The following TSNARE1 variants were observed in gnomAD, a reference collection of about 807,000 sequenced individuals.
TSNARE1 encodes the protein t-SNARE domain-containing protein 1.
Under a neutral mutation model 62.0 loss-of-function variants are expected in TSNARE1, and 49 were observed. The ratio of observed to expected loss-of-function variants is 0.79; its 90% CI spans 0.63 to 1.00. The LOEUF (loss-of-function observed/expected upper bound fraction) is 1.00, where lower values mean the gene tolerates loss of function less well. TSNARE1 is among the 50% of genes least tolerant of loss of function. TSNARE1 has a pLI of 0.00. For synonymous variants in TSNARE1, 328 were observed against 294.4 expected (o/e 1.11, Z -1.17); for missense variants, 755 against 700.1 (o/e 1.08, Z -0.88).
At chr8:142,300,763 G>A in intron 9 of TSNARE1, 119 bp from the exon 10 acceptor site, 1 of 1,212,112 alleles carries the variant, frequency 8.3e-7, no homozygotes, top group Non-Finnish European at 1.1e-6. Context: ...CTCTCTGAGG[G>A]GACGATCTGG....
intron 1 of TSNARE1, among the ~76,000 whole-genome samples, chr8:142,355,621 G>A (rs1586993013): frequency 6.6e-6 from 1 of 152,290 alleles, no homozygotes; most frequent in East Asian, 1.9e-4. Flanking sequence ...CTGTGTGCAG[G>A]GGTCCCTGTG....
chr8:142,329,900 G>A (rs761491047), intron 6 of TSNARE1, among the ~76,000 whole-genome samples: 1 of 152,384 alleles, frequency 6.6e-6, no homozygotes, highest in South Asian at 2.1e-4. Flanking sequence ...TCCGCAGCTG[G>A]TGCGTGAGGC....
rs764368300 is a variant in TSNARE1, at chr8:142,229,586, G to A, written c.1447-7C>T. On this transcript the variant is annotated splice_region_variant and splice_polypyrimidine_tract_variant and intron_variant, in intron 12 of 13. Transcript: ENST00000524325. ...TGATCTTGTGTCTCTGGAGCTGGGA[G>A]AGAGAGAGAGGTTGTTTCCATATCC... The A allele has an allele frequency of 1.2e-6, 2 of 1,612,212 alleles. No homozygotes were observed. Among genetic ancestry groups the A allele is most frequent in the Non-Finnish European group, 1.7e-6 (2 of 1,179,014 alleles).
intron 12 of TSNARE1, among the ~76,000 whole-genome samples, chr8:142,267,272 A>T (rs910198994): frequency 3.9e-5 from 6 of 152,172 alleles, no homozygotes; most frequent in Non-Finnish European, 8.8e-5. Context: ...AGGCCTGACT[A>T]GGGGATCTTT....
At chr8:142,317,632 T>G (rs1448072546) in intron 7 of TSNARE1, among the ~76,000 whole-genome samples, 1 of 152,112 alleles carries the variant, frequency 6.6e-6, no homozygotes, top group African/African-American at 2.4e-5. Flanking sequence ...ACTGACCTGG[T>G]GTGGTGGAGC....
Position 142,270,505 on chromosome 8 carries a change from T to C in TSNARE1, c.1446+4276A>G, listed in dbSNP as rs191705512. 6.8e-5 allele frequency: 62 copies of C among 913,350 alleles called. No homozygotes were observed. The Middle Eastern group carries it at 1.7e-3, about 25-fold the overall frequency. 56.6% of individuals were successfully genotyped at this position (913,350 alleles called of 1,614,324 possible). A position where few individuals can be genotyped will look rare whatever the true frequency, so the allele number is the denominator to read the frequency against. Reference sequence around the variant, plus strand: ...GCATATATATATATATATATATATTTATGTATTTATAACAGAAAATTGGAT... The same window carrying C: ...GCATATATATATATATATATATATTCATGTATTTATAACAGAAAATTGGAT... On this transcript the variant is annotated intron_variant, in intron 12 of 13. Coordinates refer to ENST00000524325, the MANE Select transcript of TSNARE1 (RefSeq NM_145003.5).
At chr8:142,379,114 A>G (rs930703092) in intron 1 of TSNARE1, among the ~76,000 whole-genome samples, 17 of 152,228 alleles carry the variant, frequency 1.1e-4, no homozygotes, top group Non-Finnish European at 2.5e-4. Flanking sequence ...AGCACGGATC[A>G]GAGCAGCTCA....
At chr8:142,246,468 G>C (rs1277257610) in intron 12 of TSNARE1, among the ~76,000 whole-genome samples, 1 of 151,722 alleles carries the variant, frequency 6.6e-6, no homozygotes, top group Non-Finnish European at 1.5e-5. Flanking sequence ...CCCCCTCCCT[G>C]GCATGCCCCC....
Position 142,270,130 on chromosome 8 carries a change from C to T in TSNARE1, c.1446+4651G>A, listed in dbSNP as rs564377556. 2.8e-5 allele frequency: 28 copies of T among 985,450 alleles called. No individual in the cohort carries two copies. In the South Asian group the frequency reaches 5.6e-4, roughly 20 times the overall value. 61.0% of individuals were successfully genotyped at this position (985,450 alleles called of 1,614,324 possible). On this transcript the variant is annotated intron_variant, in intron 12 of 13. Transcript: ENST00000524325. ...CAAGGCCCGGGCTGGTCCCACCTCC[C>T]GCTCCTGCTCGCTCCCGACGGCTGC...
chr8:142,277,898 C>T, intron 11 of TSNARE1: 1 of 985,416 alleles, frequency 1.0e-6, no homozygotes, highest in Non-Finnish European at 1.2e-6. Flanking sequence ...CCACCCCTGC[C>T]AGGCCCCTCC....
At chr8:142,214,674 C>T (rs1261416102) in intron 13 of TSNARE1, among the ~76,000 whole-genome samples, 2 of 152,136 alleles carry the variant, frequency 1.3e-5, no homozygotes, top group African/African-American at 2.4e-5. Flanking sequence ...AACTCAAAGG[C>T]GAAAATAACC....
intron 12 of TSNARE1, among the ~76,000 whole-genome samples, chr8:142,235,006 A>T (rs1817334460): frequency 6.6e-6 from 1 of 152,196 alleles, no homozygotes; most frequent in South Asian, 2.1e-4. Flanking sequence ...CAGCAAAAGA[A>T]TGGAAGCAGA....
chr8:142,282,004 TA>T, intron 11 of TSNARE1, among the ~76,000 whole-genome samples: 1 of 152,288 alleles, frequency 6.6e-6, no homozygotes. Flanking sequence ...TGCCCCCACA[TA>T]CAGCCTGGCG....
At chr8:142,242,789 C>G (rs1029885120) in intron 12 of TSNARE1, among the ~76,000 whole-genome samples, 2 of 152,026 alleles carry the variant, frequency 1.3e-5, no homozygotes, top group African/African-American at 4.8e-5. Flanking sequence ...TGGTGAAACC[C>G]TGTCTCTACT....
intron 11 of TSNARE1, chr8:142,278,549 G>A (rs1239679238): frequency 1.0e-6 from 1 of 985,466 alleles, no homozygotes; most frequent in East Asian, 1.1e-4. Flanking sequence ...CTGGCACGGT[G>A]TCTTGAGGAG....
At chr8:142,311,982 A>G (rs1037137835) in intron 9 of TSNARE1, among the ~76,000 whole-genome samples, 12 of 152,252 alleles carry the variant, frequency 7.9e-5, no homozygotes, top group African/African-American at 2.9e-4. Context: ...TCACATGTTA[A>G]TAACACAGAT....
intron 9 of TSNARE1, among the ~76,000 whole-genome samples, chr8:142,310,794 T>A (rs1044532771): frequency 6.6e-6 from 1 of 152,224 alleles, no homozygotes; most frequent in African/African-American, 2.4e-5. Context: ...TAAGATTTTA[T>A]TTTTGCCTTT....
At chr8:142,267,751 A>G (rs940579847) in intron 12 of TSNARE1, among the ~76,000 whole-genome samples, 4 of 152,030 alleles carry the variant, frequency 2.6e-5, no homozygotes, top group Non-Finnish European at 1.5e-5. Context: ...CTCATCACAG[A>G]CCCACCATCC....
intron 12 of TSNARE1, among the ~76,000 whole-genome samples, chr8:142,237,796 A>G (rs1028050638): frequency 6.6e-6 from 1 of 151,754 alleles, no homozygotes. Context: ...TCTCTCCTGG[A>G]CCTCTCTCTC....
Sources: allele counts gnomAD v4.1 joint callset (sites outside exome capture counted in the v4.1 genomes callset), GRCh38; gene constraint gnomAD v4.1.1; transcripts MANE v1.5; gene names NCBI Gene and HGNC (gene_info 2026-07-23, HGNC 2026-07-21).